Variants in SCML4 observed in about 807,000 individuals in gnomAD.
SCML4 encodes the protein Scm polycomb group protein like 4.
SCML4 carries 34 observed loss-of-function variants against 41.1 expected under a neutral mutation model. That is an observed-to-expected ratio of 0.83 (90% CI 0.63 to 1.10). The LOEUF is 1.10. Among genes scored for constraint, SCML4 ranks in the 50% least tolerant of loss-of-function variants. The probability of loss-of-function intolerance (pLI) is 0.00; values close to 1 mark genes in which losing one functional copy is unlikely to be tolerated. For missense variants in SCML4, 522 were observed against 534.1 expected (o/e 0.98, Z 0.22); for synonymous variants, 214 against 220.9 (o/e 0.97, Z 0.28).
chr6:107,753,761 A>G (rs1227713468), intron 2 of SCML4, among the ~76,000 whole-genome samples: 1 of 152,202 alleles, frequency 6.6e-6, no homozygotes, highest in East Asian at 1.9e-4. Flanking sequence ...GATTGTACAG[A>G]AGAGTGTGTG....
chr6:107,717,025 C>T (rs1020733994), intron 6 of SCML4, among the ~76,000 whole-genome samples: 13 of 151,186 alleles, frequency 8.6e-5, no homozygotes, highest in African/African-American at 2.7e-4. Flanking sequence ...TTCGGCTGGG[C>T]GGGGTGGCTC....
chr6:107,802,652 G>A (rs1353588313), intron 1 of SCML4, among the ~76,000 whole-genome samples: 1 of 93,642 alleles, frequency 1.1e-5, no homozygotes, highest in Non-Finnish European at 2.4e-5. Context: ...AATTGGAAAG[G>A]CTCCTCCTCT....
chr6:107,835,561 G>A, the SCML4 span, among the ~76,000 whole-genome samples: 2 of 151,810 alleles, frequency 1.3e-5, no homozygotes, highest in African/African-American at 2.4e-5. Context: ...GAAGCATAGC[G>A]AGACCTTGTC....
rs780698786 is a variant in SCML4, at chr6:107,720,976, C to T, written c.700G>A (p.Glu234Lys). ...RMESVKTVTTEEYLVNPVGMN... is the reference protein window; with the variant it reads ...RMESVKTVTTKEYLVNPVGMN... ...CCCACAGGGTTCACCAGGTACTCTT[C>T]GGTGGTGACTGTCTTGACTAAGCAA... Residue 234 changes from glutamate (E) to lysine (K), a missense_variant, in exon 6 of 8, where the codon GAA (glutamate) becomes AAA (lysine). Physicochemically the swap from Glu to Lys is moderately conservative, Grantham distance 56. Coordinates refer to ENST00000369020, the MANE Select transcript of SCML4 (RefSeq NM_198081.5). The T allele has an allele frequency of 9.3e-6, 15 of 1,610,562 alleles. No homozygotes were observed. Among genetic ancestry groups the T allele is most frequent in the East Asian group, 2.2e-5 (1 of 44,846 alleles).
chr6:107,782,290 T>C (rs1382376021), intron 1 of SCML4, among the ~76,000 whole-genome samples: 1 of 152,270 alleles, frequency 6.6e-6, no homozygotes, highest in Non-Finnish European at 1.5e-5. Flanking sequence ...GTCTCCTCAG[T>C]TGGCACAGGA....
intron 5 of SCML4, among the ~76,000 whole-genome samples, chr6:107,742,992 G>A (rs1176026745): frequency 1.3e-5 from 2 of 152,180 alleles, no homozygotes; most frequent in African/African-American, 2.4e-5. Flanking sequence ...TTAAGAGATA[G>A]GTAATATCAA....
chr6:107,744,377 CCA>C (rs1197567434), intron 5 of SCML4, among the ~76,000 whole-genome samples: 33 of 152,202 alleles, frequency 2.2e-4, no homozygotes, highest in Non-Finnish European at 2.8e-4. Flanking sequence ...AACCCCTAGG[CCA>C]CTTTCCATCT....
At chr6:107,795,342 A>G (rs767462907) in intron 1 of SCML4, among the ~76,000 whole-genome samples, 108 of 152,124 alleles carry the variant, frequency 7.1e-4, no homozygotes, top group Non-Finnish European at 7.6e-4. Context: ...TTGTGCAACT[A>G]AAGTTTTCCC....
At chr6:107,824,825 C>G (rs1785190517), upstream of SCML4, among the ~76,000 whole-genome samples, 1 of 152,064 alleles carries the variant, frequency 6.6e-6, no homozygotes, top group African/African-American at 2.4e-5. Flanking sequence ...ACAAATAAAA[C>G]AAAAAGAAAT....
intron 6 of SCML4, among the ~76,000 whole-genome samples, chr6:107,708,321 G>A (rs1773878666): frequency 6.6e-6 from 1 of 152,130 alleles, no homozygotes; most frequent in Admixed American, 6.5e-5. Flanking sequence ...CCTCGTTGGA[G>A]TTTTCAAGAC....
At chr6:107,779,849 C>G (rs1781342390) in intron 1 of SCML4, among the ~76,000 whole-genome samples, 1 of 152,194 alleles carries the variant, frequency 6.6e-6, no homozygotes, top group Non-Finnish European at 1.5e-5. Flanking sequence ...GGCTCAAACT[C>G]TCCTGCTTTG....
At chr6:107,806,156 C>G (rs1312445412) in intron 1 of SCML4, among the ~76,000 whole-genome samples, 2 of 149,818 alleles carry the variant, frequency 1.3e-5, no homozygotes, top group Admixed American at 1.3e-4. Flanking sequence ...AGAGTCCCTT[C>G]TCAACTCAAG....
At chr6:107,811,215 T>G (rs74579426) in intron 1 of SCML4, among the ~76,000 whole-genome samples, 1,691 of 152,316 alleles carry the variant, frequency 0.011, 40 homozygotes, top group African/African-American at 0.038. Context: ...CCACCCAGTC[T>G]GCAGGATTTT....
rs1183234023 is a variant in SCML4, at chr6:107,705,310, C to T, written c.1135G>A (p.Ala379Thr). Residue 379 changes from alanine to threonine, a missense_variant, in exon 8 of 8, where the codon GCT becomes ACT. Ala to Thr is a moderately conservative substitution (Grantham distance 58). Coordinates refer to ENST00000369020, the MANE Select transcript of SCML4 (RefSeq NM_198081.5). ...ATGTCACTCTTCAGCAACAGCAGAG[C>T]GTTGCCATCAATCTCCTGGTGGGAT... ...LFRKHEIDGN[A>T]LLLLKSDMVM... 7 of 1,551,460 alleles carry T rather than the reference C, an allele frequency of 4.5e-6. No individual in the cohort carries two copies. The highest frequency in any genetic ancestry group is 2.7e-5 in the African/African-American group (2 of 73,004).
chr6:107,748,398 T>G (rs1020976432), intron 3 of SCML4, among the ~76,000 whole-genome samples: 1 of 152,084 alleles, frequency 6.6e-6, no homozygotes, highest in African/African-American at 2.4e-5. Flanking sequence ...TAGGTTTTTT[T>G]GTTTTTTTGT....
At chr6:107,778,792 T>A (rs1178093908) in intron 1 of SCML4, among the ~76,000 whole-genome samples, 1 of 152,240 alleles carries the variant, frequency 6.6e-6, no homozygotes, top group Non-Finnish European at 1.5e-5. Context: ...TTCATGTATT[T>A]ACTCATTCAT....
At chr6:107,818,533 G>A (rs957176114) in intron 1 of SCML4, among the ~76,000 whole-genome samples, 2 of 152,156 alleles carry the variant, frequency 1.3e-5, no homozygotes, top group African/African-American at 2.4e-5. Context: ...CCAATAATGA[G>A]GGCACTAAAT....
intron 1 of SCML4, among the ~76,000 whole-genome samples, chr6:107,795,462 C>T (rs118114318): frequency 6.6e-6 from 1 of 152,242 alleles, no homozygotes; most frequent in Admixed American, 6.5e-5. Flanking sequence ...TGAGTTTTGA[C>T]AAATGTATAC....
chr6:107,735,167 A>T (rs1562197891), intron 5 of SCML4, among the ~76,000 whole-genome samples: 1 of 152,012 alleles, frequency 6.6e-6, no homozygotes, highest in Non-Finnish European at 1.5e-5. Context: ...TGAGCCACCG[A>T]GCTCAGCCTC....
Sources: allele counts gnomAD v4.1 joint callset (sites outside exome capture counted in the v4.1 genomes callset), GRCh38; gene constraint gnomAD v4.1.1; transcripts MANE v1.5; gene names NCBI Gene and HGNC (gene_info 2026-07-23, HGNC 2026-07-21).